The following ADAMTSL1 variants were observed in gnomAD, a reference collection of about 807,000 sequenced individuals.
The protein encoded by ADAMTSL1 is ADAMTS-like protein 1.
In ADAMTSL1, 126 loss-of-function variants were observed where a neutral mutation model predicts 201.8. The observed-to-expected ratio is 0.62, with a 90% CI of 0.54 to 0.72. ADAMTSL1 has a LOEUF of 0.72. ADAMTSL1 is among the 30% of genes least tolerant of loss of function. The pLI is 0.00. For missense variants in ADAMTSL1, 2,679 were observed against 2,277.8 expected (o/e 1.18, Z -3.59); for synonymous variants, 1,121 against 903.4 (o/e 1.24, Z -4.32).
At chr9:18,350,642 T>A (rs1412895366) in intron 2 of ADAMTSL1, among the ~76,000 whole-genome samples, 1 of 152,182 alleles carries the variant, frequency 6.6e-6, no homozygotes, top group Non-Finnish European at 1.5e-5. Flanking sequence ...CTGGAGAGTT[T>A]CTTTTGGCGT....
At chr9:18,288,089 C>G (rs1472824970) in intron 2 of ADAMTSL1, among the ~76,000 whole-genome samples, 1 of 151,996 alleles carries the variant, frequency 6.6e-6, no homozygotes, top group Non-Finnish European at 1.5e-5. Context: ...GATGACAAAC[C>G]AGGATGGGCA....
intron 1 of ADAMTSL1, among the ~76,000 whole-genome samples, chr9:18,057,461 G>T (rs978305410): frequency 2.0e-5 from 3 of 152,188 alleles, no homozygotes; most frequent in Non-Finnish European, 2.9e-5. Context: ...TAAAATGACT[G>T]TGAGGACCCA....
intron 13 of ADAMTSL1, chr9:18,706,521 C>T (rs745984399): frequency 3.4e-5 from 17 of 506,878 alleles, no homozygotes; most frequent in Non-Finnish European, 4.2e-5. Context: ...GAATGTCTTG[C>T]AGCTGGGAGT....
At chr9:18,624,787 C>G (rs1373450358) in intron 5 of ADAMTSL1, among the ~76,000 whole-genome samples, 2 of 152,112 alleles carry the variant, frequency 1.3e-5, no homozygotes, top group Non-Finnish European at 2.9e-5. Flanking sequence ...ATATCATCTC[C>G]AAGTCTGCAA....
At chr9:18,209,402 T>C (rs900958796) in intron 2 of ADAMTSL1, among the ~76,000 whole-genome samples, 9 of 152,194 alleles carry the variant, frequency 5.9e-5, no homozygotes, top group Admixed American at 4.6e-4. Context: ...TGTTATCGAA[T>C]CAGTACCTAT....
At chr9:18,524,417 T>A (rs1253462722) in intron 2 of ADAMTSL1, among the ~76,000 whole-genome samples, 4 of 152,174 alleles carry the variant, frequency 2.6e-5, no homozygotes, top group Non-Finnish European at 5.9e-5. Context: ...CTTTTCCTAA[T>A]TGAATACCCT....
intron 6 of ADAMTSL1, among the ~76,000 whole-genome samples, chr9:18,637,160 T>C (rs961868092): frequency 1.3e-5 from 2 of 152,194 alleles, no homozygotes; most frequent in African/African-American, 2.4e-5. Context: ...CAGAAAATGA[T>C]GATTAAGTCA....
At chr9:18,656,410 T>G (rs1028977566) in intron 7 of ADAMTSL1, among the ~76,000 whole-genome samples, 3 of 152,004 alleles carry the variant, frequency 2.0e-5, no homozygotes, top group Non-Finnish European at 2.9e-5. Flanking sequence ...GGCGGGCAGA[T>G]CACGAGGTCA....
intron 1 of ADAMTSL1, among the ~76,000 whole-genome samples, chr9:18,075,920 T>C (rs1320409938): frequency 6.6e-6 from 1 of 152,224 alleles, no homozygotes; most frequent in Non-Finnish European, 1.5e-5. Flanking sequence ...CAGCATTCAA[T>C]TTATTTGAAT....
rs71333031 is a variant in ADAMTSL1 at position 18,206,053 on chromosome 9, C to CAAA, written c.207+42102_207+42104dup. On this transcript the variant is annotated intron_variant, in intron 2 of 29. Coordinates refer to the ADAMTSL1 transcript ENST00000680146. The stretch of plus-strand genomic sequence containing the variant: ...TGGGCAACAAAGTGAGACTCCATCT[C>CAAA]AAAAAAAAAAAAAAAAAAAAAAAAA... Among the ~76,000 whole-genome samples the CAAA allele has an allele frequency of 2.6e-3, 140 of 54,340 alleles. 1 individual carries two copies. Among genetic ancestry groups the CAAA allele is most frequent in the Non-Finnish European group, 2.9e-3 (96 of 33,592 alleles). 35.6% of individuals were successfully genotyped at this position (54,340 alleles called of 152,430 possible).
intron 3 of ADAMTSL1, among the ~76,000 whole-genome samples, chr9:18,552,608 A>T (rs909571141): frequency 1.3e-5 from 2 of 151,720 alleles, no homozygotes; most frequent in Non-Finnish European, 3.0e-5. Context: ...TAATTTTTTT[A>T]AAATACTTGA....
chr9:18,908,604 C>A lies in ADAMTSL1; in HGVS notation c.*56C>A. The A allele has an allele frequency of 7.4e-7, 1 of 1,360,382 alleles. No individual in the cohort carries two copies. The highest frequency in any genetic ancestry group is 1.0e-6 in the Non-Finnish European group (1 of 982,490). The allele number at this position is 1,360,382 out of a possible 1,614,324, so 84.3% of individuals were successfully genotyped here. A position where few individuals can be genotyped will look rare whatever the true frequency, so the allele number is the denominator to read the frequency against. The stretch of plus-strand genomic sequence containing the variant: ...GCCACACGAAGGACTCACGCAACCA[C>A]CTCGGACAGAACCTAAGCTTTCTTC... On this transcript the variant is annotated 3_prime_UTR_variant, in exon 29 of 29. Coordinates refer to ENST00000380548, the MANE Select transcript of ADAMTSL1 (RefSeq NM_001040272.6).
At chr9:18,129,618 C>G (rs1193752344) in intron 1 of ADAMTSL1, among the ~76,000 whole-genome samples, 3 of 152,026 alleles carry the variant, frequency 2.0e-5, no homozygotes, top group East Asian at 1.9e-4. Context: ...GCTTTGTAAA[C>G]TTGTATATGT....
At chr9:18,098,083 G>A (rs1356219327) in intron 1 of ADAMTSL1, among the ~76,000 whole-genome samples, 11 of 151,938 alleles carry the variant, frequency 7.2e-5, no homozygotes, top group Middle Eastern at 3.4e-3. Context: ...TATTGAAAAC[G>A]TGATCCAATC....
intron 2 of ADAMTSL1, among the ~76,000 whole-genome samples, chr9:18,347,618 T>C (rs1835782425): frequency 6.6e-6 from 1 of 152,156 alleles, no homozygotes; most frequent in Non-Finnish European, 1.5e-5. Flanking sequence ...CATTTATTCC[T>C]TTCTTTCCCT....
intron 20 of ADAMTSL1, among the ~76,000 whole-genome samples, chr9:18,813,874 A>G (rs999661305): frequency 2.0e-5 from 3 of 152,222 alleles, no homozygotes; most frequent in Non-Finnish European, 2.9e-5. Flanking sequence ...GAACATGGAT[A>G]TTCTTGTCTG....
chr9:18,533,562 A>G (rs149561351), intron 3 of ADAMTSL1, among the ~76,000 whole-genome samples: 21 of 152,338 alleles, frequency 1.4e-4, no homozygotes, highest in Admixed American at 4.6e-4. Flanking sequence ...TTGCATATAG[A>G]TCTCATGAGG....
At chr9:18,506,064 C>A (rs764034967) in intron 2 of ADAMTSL1, among the ~76,000 whole-genome samples, 20 of 152,154 alleles carry the variant, frequency 1.3e-4, no homozygotes, top group Admixed American at 7.2e-4. Context: ...GATACCAGAT[C>A]AATTCTGATA....
In ADAMTSL1 at chr9:18,906,694, C is replaced by T; in HGVS notation, c.4964C>T (p.Pro1655Leu). Residue 1655 changes from proline to leucine, a missense_variant and splice_region_variant, in exon 28 of 29, where the codon CCT (proline) becomes CTT (leucine). Pro to Leu is a moderately conservative substitution (Grantham distance 98, BLOSUM62 -3). Coordinates refer to ENST00000380548, the MANE Select transcript of ADAMTSL1 (RefSeq NM_001040272.6). ...ACCCTGCCACCATCCTCCTGCAGGC[C>T]TGTGAGCACCCAGAACTGCTGGTCA... ...PSEQCSALPR[P>L]VSTQNCWSEA... The T allele has an allele frequency of 1.3e-6, 2 of 1,588,160 alleles. No individual in the cohort carries two copies. Among genetic ancestry groups the T allele is most frequent in the Non-Finnish European group, 1.7e-6 (2 of 1,165,962 alleles).
Sources: gnomAD v4.1 joint callset for allele counts (sites outside exome capture counted in the v4.1 genomes callset) on GRCh38, gnomAD v4.1.1 for gene constraint, MANE v1.5 for transcripts, NCBI Gene and HGNC (gene_info 2026-07-23, HGNC 2026-07-21) for gene names.